Variants in GALNT10 observed in about 807,000 individuals in gnomAD.
GALNT10 encodes the protein GalNAc transferase 10.
In GALNT10, 41 loss-of-function variants were observed where a neutral mutation model predicts 75.0. The ratio of observed to expected loss-of-function variants is 0.55; its 90% CI spans 0.43 to 0.71. The LOEUF is 0.71. Ranked by LOEUF, GALNT10 falls within the 30% of genes least tolerant of loss-of-function variation. GALNT10 has a pLI of 0.00. For missense variants in GALNT10, 727 were observed against 818.5 expected (o/e 0.89, Z 1.36); for synonymous variants, 302 against 313.0 (o/e 0.96, Z 0.37).
intron 3 of GALNT10, among the ~76,000 whole-genome samples, chr5:154,321,593 C>T (rs1007488810): frequency 8.5e-5 from 13 of 152,080 alleles, no homozygotes; most frequent in African/African-American, 2.7e-4. Context: ...CAAAGTGTTG[C>T]GATTACAGGT....
chr5:154,308,552 G>C (rs1414672331), intron 3 of GALNT10, among the ~76,000 whole-genome samples: 1 of 152,200 alleles, frequency 6.6e-6, no homozygotes. Context: ...CGGAGACCCT[G>C]AGAACTAGGA....
chr5:154,405,235 G>A lies in GALNT10; in HGVS notation c.1164+1024G>A, dbSNP rs539768845. On this transcript the variant is annotated intron_variant, in intron 8 of 11. Transcript: ENST00000297107. ...TGACGTGTAGAATTGCAGCCCCCGG[G>A]ACCTAGAAGAGCGTTGTCCTGTGAC... Among the ~76,000 whole-genome samples, 8 of 152,328 alleles carry A rather than the reference G, an allele frequency of 5.3e-5. No homozygotes were observed. The East Asian group carries it at 1.4e-3, about 26-fold the overall frequency.
chr5:154,303,226 A>G (rs2113085337), intron 3 of GALNT10, among the ~76,000 whole-genome samples: 1 of 152,356 alleles, frequency 6.6e-6, no homozygotes, highest in Non-Finnish European at 1.5e-5. Context: ...TGAGCCCTAT[A>G]GTTGCCCCAG....
chr5:154,261,681 G>T (rs1486067531), intron 1 of GALNT10, among the ~76,000 whole-genome samples: 3 of 152,152 alleles, frequency 2.0e-5, no homozygotes. Context: ...CAAATCCCTA[G>T]CCAAGGTTAG....
chr5:154,370,772 A>C (rs1755551441), intron 4 of GALNT10, among the ~76,000 whole-genome samples: 1 of 152,168 alleles, frequency 6.6e-6, no homozygotes, highest in Admixed American at 6.5e-5. Context: ...AAGAGTGACA[A>C]GATGCAATGT....
intron 1 of GALNT10, among the ~76,000 whole-genome samples, chr5:154,268,291 C>T (rs973297404): frequency 2.6e-5 from 4 of 152,162 alleles, no homozygotes; most frequent in Non-Finnish European, 4.4e-5. Flanking sequence ...CTGAATACCA[C>T]AGTGTTAGAG....
At chr5:154,345,232 T>C (rs1381846456) in intron 4 of GALNT10, among the ~76,000 whole-genome samples, 1 of 152,192 alleles carries the variant, frequency 6.6e-6, no homozygotes, top group Non-Finnish European at 1.5e-5. Flanking sequence ...GATATATATA[T>C]ACATTGTGAA....
intron 3 of GALNT10, among the ~76,000 whole-genome samples, chr5:154,311,948 G>T (rs968458328): frequency 2.6e-5 from 4 of 152,088 alleles, no homozygotes; most frequent in African/African-American, 9.7e-5. Context: ...CTCTGTCCAT[G>T]AAGGTACTTG....
At position 154,419,687 on chromosome 5, in the gene GALNT10, G is replaced by A. The variant is rs1756590088; in HGVS notation, c.*2715G>A. ...GGGAGGGGAAGGAAGGACAGAACTT[G>A]ACTGGCTCCATTTCATGGACCAACT... On this transcript the variant is annotated 3_prime_UTR_variant, in exon 12 of 12. Coordinates refer to ENST00000297107, the MANE Select transcript of GALNT10 (RefSeq NM_198321.4). The A allele has an allele frequency of 6.6e-6, 1 of 152,254 alleles. No individual in the cohort carries two copies. The highest frequency in any genetic ancestry group is 1.5e-5 in the Non-Finnish European group (1 of 68,072). The allele number at this position is 152,254 out of a possible 1,614,324, so 9.4% of individuals were successfully genotyped here.
intron 1 of GALNT10, among the ~76,000 whole-genome samples, chr5:154,249,469 T>A: frequency 6.6e-6 from 1 of 152,106 alleles, no homozygotes; most frequent in East Asian, 1.9e-4. Context: ...CACTTTGAAA[T>A]GACAACAGAG....
intron 4 of GALNT10, among the ~76,000 whole-genome samples, chr5:154,336,294 A>G (rs537738114): frequency 2.0e-5 from 3 of 152,338 alleles, no homozygotes; most frequent in Admixed American, 1.3e-4. Context: ...TACTATGAAC[A>G]TTTGTGTACA....
intron 4 of GALNT10, among the ~76,000 whole-genome samples, chr5:154,371,789 C>T (rs1755574334): frequency 6.6e-6 from 1 of 152,058 alleles, no homozygotes; most frequent in Non-Finnish European, 1.5e-5. Flanking sequence ...TTGGGATAAT[C>T]AAGTATTTCC....
intron 4 of GALNT10, among the ~76,000 whole-genome samples, chr5:154,375,979 T>G (rs1194666837): frequency 6.6e-6 from 1 of 152,164 alleles, no homozygotes; most frequent in Non-Finnish European, 1.5e-5. Context: ...TACCAGAAGA[T>G]GAGGGAATGG....
intron 1 of GALNT10, among the ~76,000 whole-genome samples, chr5:154,289,084 G>A (rs1362718965): frequency 6.6e-6 from 1 of 152,064 alleles, no homozygotes. Context: ...TTTCCTGTTC[G>A]CTCTCCTATT....
chr5:154,268,121 T>C (rs1753803245), intron 1 of GALNT10, among the ~76,000 whole-genome samples: 2 of 152,196 alleles, frequency 1.3e-5, no homozygotes, highest in African/African-American at 4.8e-5. Flanking sequence ...CTTGAGCAGT[T>C]ATTAGCAAGG....
chr5:154,252,757 T>G (rs1753543814), intron 1 of GALNT10, among the ~76,000 whole-genome samples: 2 of 152,110 alleles, frequency 1.3e-5, no homozygotes, highest in Admixed American at 1.3e-4. Flanking sequence ...TCAGGAAATT[T>G]TTATTGAATT....
chr5:154,403,388 G>A (rs1270022413), intron 7 of GALNT10, among the ~76,000 whole-genome samples: 2 of 152,148 alleles, frequency 1.3e-5, no homozygotes, highest in Non-Finnish European at 2.9e-5. Flanking sequence ...TCTCTGTGAT[G>A]TCAAATACTC....
chr5:154,308,361 T>C (rs949096384), intron 3 of GALNT10, among the ~76,000 whole-genome samples: 4 of 152,194 alleles, frequency 2.6e-5, no homozygotes, highest in Admixed American at 2.0e-4. Flanking sequence ...CCCATAATAA[T>C]GTGGCCTTGG....
chr5:154,223,160 T>C (rs911599595), intron 1 of GALNT10, among the ~76,000 whole-genome samples: 1 of 152,176 alleles, frequency 6.6e-6, no homozygotes, highest in South Asian at 2.1e-4. Context: ...TAATCAGACA[T>C]GGACACTGTT....
Sources: gnomAD v4.1 joint callset for allele counts (sites outside exome capture counted in the v4.1 genomes callset) on GRCh38, gnomAD v4.1.1 for gene constraint, MANE v1.5 for transcripts, NCBI Gene and HGNC (gene_info 2026-07-23, HGNC 2026-07-21) for gene names.